Variants in HECW1 observed in about 807,000 individuals in gnomAD.
HECW1 encodes the protein E3 ubiquitin-protein ligase HECW1.
Under a neutral mutation model 182.3 loss-of-function variants are expected in HECW1, and 61 were observed. The ratio of observed to expected loss-of-function variants is 0.33; its 90% confidence interval spans 0.27 to 0.41. The LOEUF (loss-of-function observed/expected upper bound fraction) is 0.41. Among genes scored for constraint, HECW1 ranks in the 10% least tolerant of loss-of-function variants. The pLI is 1.00. For synonymous variants in HECW1, 859 were observed against 832.6 expected, an observed-to-expected ratio of 1.03 and a Z score of -0.55; for missense variants, 1,739 against 2,108.9, an observed-to-expected ratio of 0.82 and a Z score of 3.44.
At chr7:43,423,894 G>T (rs1282643952) in intron 8 of HECW1, among the ~76,000 whole-genome samples, 3 of 152,082 alleles carry the variant, frequency 2.0e-5, no homozygotes, top group Non-Finnish European at 4.4e-5. Context: ...TCAAAGGTGG[G>T]GCTAGAGTCT....
At chr7:43,193,162 T>A (rs1037962859) in intron 2 of HECW1, among the ~76,000 whole-genome samples, 1 of 152,212 alleles carries the variant, frequency 6.6e-6, no homozygotes, top group Non-Finnish European at 1.5e-5. Context: ...TTTAGCATGC[T>A]AATGCATTAT....
intron 21 of HECW1, among the ~76,000 whole-genome samples, chr7:43,502,535 G>A (rs1160486445): frequency 3.9e-5 from 6 of 152,062 alleles, no homozygotes; most frequent in South Asian, 4.2e-4. Flanking sequence ...GGTGGTGCAC[G>A]CCTTTAGTAT....
intron 3 of HECW1, among the ~76,000 whole-genome samples, chr7:43,266,545 A>G (rs936296101): frequency 5.3e-5 from 8 of 152,162 alleles, no homozygotes; most frequent in Non-Finnish European, 1.0e-4. Context: ...CATCTTGGCC[A>G]GGCTGGTCTT....
Position 43,425,211 on chromosome 7 carries a change from A to G in HECW1, c.802-12792A>G, listed in dbSNP as rs1266750862. On this transcript the variant is annotated intron_variant, in intron 8 of 29. Coordinates refer to ENST00000395891, the MANE Select transcript of HECW1 (RefSeq NM_015052.5). ...TTGAACAGAAGTGGATATTTTATATATTTACCAAGACACTCACACACACAC... is the reference window on the plus strand; with the variant it reads ...TTGAACAGAAGTGGATATTTTATATGTTTACCAAGACACTCACACACACAC... Among the ~76,000 whole-genome samples the G allele has an allele frequency of 4.2e-5, 6 of 143,780 alleles. 1 individual carries two copies. The highest frequency in any genetic ancestry group is 1.3e-4 in the African/African-American group (5 of 39,712). 94.3% of individuals were successfully genotyped at this position (143,780 alleles called of 152,430 possible). A position where few individuals can be genotyped will look rare whatever the true frequency, so the allele number is the denominator to read the frequency against.
intron 2 of HECW1, among the ~76,000 whole-genome samples, chr7:43,125,974 A>G (rs1024758133): frequency 1.3e-5 from 2 of 151,212 alleles, no homozygotes; most frequent in African/African-American, 4.9e-5. Context: ...AAAACCTCCA[A>G]CTGCCTTAAC....
In HECW1 at chr7:43,330,983, A is replaced by ATTTAT. The variant is rs368846910; in HGVS notation, c.460+10250_460+10254dup. 4.2e-3 allele frequency among the ~76,000 whole-genome samples: 638 copies of ATTTAT among 151,636 alleles called. 2 individuals are homozygous for ATTTAT. Among genetic ancestry groups the ATTTAT allele is most frequent in the African/African-American group, 0.012 (518 of 41,478 alleles). ...AAGTCTTTTATTTATTTATTTATTTATTTATTTTATTTTTTTATATACTTT... is the reference window on the plus strand; with the variant it reads ...AAGTCTTTTATTTATTTATTTATTTATTTATTTTATTTTATTTTTTTATATACTTT... On this transcript the variant is annotated intron_variant, in intron 5 of 29. Coordinates refer to ENST00000395891, the MANE Select transcript of HECW1 (RefSeq NM_015052.5).
chr7:43,179,596 A>G (rs1792605590), intron 2 of HECW1, among the ~76,000 whole-genome samples: 1 of 149,280 alleles, frequency 6.7e-6, no homozygotes, highest in Non-Finnish European at 1.5e-5. Flanking sequence ...TTTTGCTGAG[A>G]CAGCAAATAC....
At chr7:43,311,452 A>G (rs1808487543) in intron 3 of HECW1, among the ~76,000 whole-genome samples, 1 of 152,202 alleles carries the variant, frequency 6.6e-6, no homozygotes, top group Non-Finnish European at 1.5e-5. Context: ...TCACACCTTC[A>G]GGGTCATTCT....
intron 3 of HECW1, chr7:43,258,594 T>A (rs1800840406): frequency 6.6e-6 from 1 of 152,162 alleles, no homozygotes; most frequent in Non-Finnish European, 1.5e-5. Context: ...TGAATGGGAA[T>A]ATAGACAACC....
At chr7:43,557,791 A>G (rs1229163150) in intron 29 of HECW1, among the ~76,000 whole-genome samples, 2 of 152,200 alleles carry the variant, frequency 1.3e-5, no homozygotes, top group South Asian at 2.1e-4. Flanking sequence ...ACATGTACTC[A>G]TTTGCACATA....
Position 43,507,251 on chromosome 7 carries a change from A to C in HECW1, c.3746A>C (p.Lys1249Thr). 6.2e-7 allele frequency: 1 copy of C among 1,612,558 alleles called. No homozygotes were observed. Among genetic ancestry groups the C allele is most frequent in the Non-Finnish European group, 8.5e-7 (1 of 1,178,938 alleles). Reference sequence around the variant, plus strand: ...AAAGGATTTGGTCAGGGTCCGGGGAAAATTAAGTGAGTGCTCCAGTGCTTG... The same window carrying C: ...AAAGGATTTGGTCAGGGTCCGGGGACAATTAAGTGAGTGCTCCAGTGCTTG... Reference protein sequence around the residue: ...EAKGFGQGPGKIKLIIRRDHL... With the variant: ...EAKGFGQGPGTIKLIIRRDHL... The change falls in exon 22 of 30, where the codon AAA becomes ACA. Residue 1249 changes from lysine (K) to threonine (T), a missense_variant. This residue lies in a region of HECW1 where 420 missense variants were observed against 595.7 expected (regional missense o/e 0.71). Coordinates refer to ENST00000395891, the MANE Select transcript of HECW1 (RefSeq NM_015052.5).
intron 6 of HECW1, among the ~76,000 whole-genome samples, chr7:43,372,700 A>G (rs983369288): frequency 1.3e-5 from 2 of 152,082 alleles, no homozygotes; most frequent in African/African-American, 4.8e-5. Flanking sequence ...GCCTTGTAAA[A>G]TATTTTTAAA....
intron 2 of HECW1, among the ~76,000 whole-genome samples, chr7:43,177,873 A>G (rs1792414104): frequency 6.6e-6 from 1 of 151,994 alleles, no homozygotes. Flanking sequence ...TTACTCCCCT[A>G]CAGGAGGCAC....
intron 3 of HECW1, among the ~76,000 whole-genome samples, chr7:43,288,890 C>T (rs1805010322): frequency 6.6e-6 from 1 of 152,200 alleles, no homozygotes; most frequent in Admixed American, 6.5e-5. Flanking sequence ...GACCTGGCCC[C>T]AGCCTACCTC....
intron 6 of HECW1, among the ~76,000 whole-genome samples, chr7:43,369,153 T>G (rs529146834): frequency 6.6e-6 from 1 of 152,142 alleles, no homozygotes; most frequent in African/African-American, 2.4e-5. Flanking sequence ...TGTCACTCTT[T>G]GCTGACATAA....
chr7:43,455,295 C>T (rs750144179), intron 12 of HECW1, among the ~76,000 whole-genome samples: 11 of 152,172 alleles, frequency 7.2e-5, no homozygotes, highest in Non-Finnish European at 1.3e-4. Flanking sequence ...TGAATATACA[C>T]TGTTAATTAA....
intron 5 of HECW1, among the ~76,000 whole-genome samples, chr7:43,352,607 T>C (rs950449353): frequency 1.3e-5 from 2 of 152,218 alleles, no homozygotes. Flanking sequence ...TGTGACCTTA[T>C]GTAAGTGGCC....
chr7:43,184,065 T>A (rs7806923), intron 2 of HECW1, among the ~76,000 whole-genome samples: 2 of 152,066 alleles, frequency 1.3e-5, no homozygotes, highest in African/African-American at 4.8e-5. Context: ...CCAGGCTGGA[T>A]TGCAGTGGCT....
intron 3 of HECW1, among the ~76,000 whole-genome samples, chr7:43,285,403 A>G (rs975876049): frequency 6.6e-6 from 1 of 152,186 alleles, no homozygotes; most frequent in Non-Finnish European, 1.5e-5. Context: ...TGGACTAGGA[A>G]ATCAAAACTC....
Sources: allele counts gnomAD v4.1 joint callset (sites outside exome capture counted in the v4.1 genomes callset), GRCh38; gene constraint gnomAD v4.1.1; regional missense constraint gnomAD v4.1.1; transcripts MANE v1.5; gene names NCBI Gene and HGNC (gene_info 2026-07-23, HGNC 2026-07-21).